PCDH15: variants seen among roughly 807,000 people sequenced by gnomAD.
PCDH15 encodes protocadherin-15.
Under a neutral mutation model 178.5 loss-of-function variants are expected in PCDH15, and 129 were observed. The observed-to-expected ratio is 0.72, with a 90% CI of 0.63 to 0.84. The LOEUF (loss-of-function observed/expected upper bound fraction) is 0.84, where lower values mean the gene tolerates loss of function less well. Ranked by LOEUF, PCDH15 falls within the 40% of genes least tolerant of loss-of-function variation. The pLI, the probability that PCDH15 is intolerant of heterozygous loss-of-function variation, is 0.00. For missense variants in PCDH15, 2,230 were observed against 2,099.9 expected, an observed-to-expected ratio of 1.06 and a Z score of -1.21; for synonymous variants, 800 against 732.0, an observed-to-expected ratio of 1.09 and a Z score of -1.50.
intron 26 of PCDH15, among the ~76,000 whole-genome samples, chr10:53,885,702 G>C (rs2081045854): frequency 6.6e-6 from 1 of 151,898 alleles, no homozygotes; most frequent in African/African-American, 2.4e-5. Flanking sequence ...ATTTTAATCT[G>C]GTCAGTATTC....
intron 5 of PCDH15, among the ~76,000 whole-genome samples, chr10:54,368,611 T>G (rs960249248): frequency 6.6e-6 from 1 of 152,068 alleles, no homozygotes; most frequent in African/African-American, 2.4e-5. Context: ...TTAAATATAA[T>G]TTTTCTAATT....
chr10:54,353,467 T>A (rs1262461336), intron 5 of PCDH15, among the ~76,000 whole-genome samples: 1 of 152,154 alleles, frequency 6.6e-6, no homozygotes, highest in Non-Finnish European at 1.5e-5. Flanking sequence ...ACCCATGTAA[T>A]GAACACCTAC....
At chr10:54,423,406 G>T (rs886246489) in intron 3 of PCDH15, among the ~76,000 whole-genome samples, 2 of 151,878 alleles carry the variant, frequency 1.3e-5, no homozygotes, top group African/African-American at 4.9e-5. Context: ...AAGGGAGTTA[G>T]GTGAGAGGGA....
chr10:54,403,968 G>A (rs1952277128), intron 3 of PCDH15, among the ~76,000 whole-genome samples: 1 of 151,904 alleles, frequency 6.6e-6, no homozygotes, highest in Admixed American at 6.6e-5. Flanking sequence ...AATCAGAGAT[G>A]ATACAAACAA....
chr10:54,653,423 G>A (rs2094307272), intron 2 of PCDH15, among the ~76,000 whole-genome samples: 1 of 152,166 alleles, frequency 6.6e-6, no homozygotes, highest in Non-Finnish European at 1.5e-5. Flanking sequence ...TCAGATCTAG[G>A]CAGTCCAAAC....
At chr10:55,205,893 A>C (rs1840385554) in intron 1 of PCDH15, among the ~76,000 whole-genome samples, 1 of 152,090 alleles carries the variant, frequency 6.6e-6, no homozygotes, top group South Asian at 2.1e-4. Context: ...AAGGAGGAGC[A>C]AGTCATATCT....
At chr10:55,159,809 A>G (rs1002465965) in intron 2 of PCDH15, among the ~76,000 whole-genome samples, 1 of 148,894 alleles carries the variant, frequency 6.7e-6, no homozygotes, top group Non-Finnish European at 1.5e-5. Context: ...TATAATATAT[A>G]TAAAACATAT....
chr10:55,437,355 T>A (rs1420205158), intron 2 of PCDH15, among the ~76,000 whole-genome samples: 1 of 152,174 alleles, frequency 6.6e-6, no homozygotes, highest in African/African-American at 2.4e-5. Context: ...CCCAGAAGGT[T>A]ATTCTCCACA....
At chr10:54,804,948 T>TATATATATATATAC (rs905516559), upstream of PCDH15, among the ~76,000 whole-genome samples, 5 of 127,242 alleles carry the variant, frequency 3.9e-5, no homozygotes, top group Non-Finnish European at 8.7e-5. Flanking sequence ...TATATATATA[T>TATATATATATATAC]ACAGAGTTTG....
At chr10:54,610,062 G>C (rs2134228889) in intron 2 of PCDH15, among the ~76,000 whole-genome samples, 1 of 151,944 alleles carries the variant, frequency 6.6e-6, no homozygotes, top group Non-Finnish European at 1.5e-5. Flanking sequence ...GTTACCTTTA[G>C]GTTCATCCTA....
At chr10:54,701,164 G>A (rs1361370396) in intron 1 of PCDH15, among the ~76,000 whole-genome samples, 1 of 151,802 alleles carries the variant, frequency 6.6e-6, no homozygotes, top group Non-Finnish European at 1.5e-5. Context: ...AGATAATCTG[G>A]GTCTTATCTA....
chr10:54,507,322 C>A (rs1318274364), intron 3 of PCDH15, among the ~76,000 whole-genome samples: 1 of 151,070 alleles, frequency 6.6e-6, no homozygotes, highest in African/African-American at 2.4e-5. Context: ...ATATTTAATA[C>A]ATATATAATT....
intron 1 of PCDH15, among the ~76,000 whole-genome samples, chr10:54,667,791 AAT>A (rs1468187245): frequency 2.0e-5 from 3 of 152,246 alleles, no homozygotes; most frequent in African/African-American, 7.2e-5. Context: ...CCTATAAATA[AAT>A]ATGTTATACT....
chr10:54,379,656 C>T (rs1049908322), intron 3 of PCDH15, among the ~76,000 whole-genome samples: 6 of 152,094 alleles, frequency 3.9e-5, no homozygotes, highest in African/African-American at 1.4e-4. Context: ...ACCCTTTCTA[C>T]TGTGTTAAAG....
In PCDH15 at chr10:53,809,489, C is replaced by T. The variant is rs543196211; in HGVS notation, c.4671+1067G>A. On this transcript the variant is annotated intron_variant, in intron 37 of 37. Transcript: ENST00000644397. ...TTTTCGATAGTTACAACTACTTCTT[C>T]CTCCTCACTAGGCTCTCTAATTTCA... 374 of 1,613,930 alleles carry T rather than the reference C, an allele frequency of 2.3e-4. 2 individuals are homozygous for T. In the South Asian group the frequency reaches 3.8e-3, roughly 16 times the overall value.
intron 2 of PCDH15, among the ~76,000 whole-genome samples, chr10:55,098,895 TGAGAGAGA>T (rs10535301): frequency 0.02 from 2,446 of 120,188 alleles, 63 homozygotes; most frequent in East Asian, 0.06. Context: ...AAAACTTCAA[TGAGAGAGA>T]GAGAGAGAGA....
chr10:54,841,874 T>G (rs1420536538), intron 3 of PCDH15, among the ~76,000 whole-genome samples: 1 of 151,878 alleles, frequency 6.6e-6, no homozygotes, highest in East Asian at 1.9e-4. Flanking sequence ...TTATTCTTCC[T>G]GCATATGTGC....
intron 2 of PCDH15, among the ~76,000 whole-genome samples, chr10:55,372,683 C>A (rs1341172812): frequency 2.6e-5 from 4 of 152,052 alleles, no homozygotes; most frequent in Non-Finnish European, 4.4e-5. Context: ...TGTCATTATA[C>A]CTGTGCTCAT....
chr10:54,528,516 T>G, intron 2 of PCDH15: 1 of 744,546 alleles, frequency 1.3e-6, no homozygotes, highest in Non-Finnish European at 2.1e-6. Context: ...ATAAAAAGCA[T>G]TATACAATAA....
Sources: allele counts gnomAD v4.1 joint callset (sites outside exome capture counted in the v4.1 genomes callset), GRCh38; gene constraint gnomAD v4.1.1; transcripts MANE v1.5; gene names NCBI Gene and HGNC (gene_info 2026-07-23, HGNC 2026-07-21).